The following TNFSF4 variants were observed in gnomAD, a reference collection of about 807,000 sequenced individuals.
The protein encoded by TNFSF4 is tumor necrosis factor ligand superfamily member 4.
Under a neutral mutation model 7.3 loss-of-function variants are expected in TNFSF4, and 4 were observed. The observed-to-expected ratio is 0.55, with a 90% CI of 0.27 to 1.25. The LOEUF is 1.25. Ranked by LOEUF, TNFSF4 falls within the 50% of genes most tolerant of loss-of-function variation. TNFSF4 has a pLI of 0.12. For missense variants in TNFSF4, 181 were observed against 208.8 expected (o/e 0.87, Z 0.82); for synonymous variants, 76 against 83.7 (o/e 0.91, Z 0.50).
the TNFSF4 span, among the ~76,000 whole-genome samples, chr1:173,377,311 G>A: frequency 3.9e-5 from 6 of 152,128 alleles, no homozygotes; most frequent in African/African-American, 9.7e-5. Context: ...GGACTAGCAT[G>A]GCCACTGGAC....
chr1:173,276,287 T>C, the TNFSF4 span, among the ~76,000 whole-genome samples: 1 of 152,104 alleles, frequency 6.6e-6, no homozygotes, highest in Non-Finnish European at 1.5e-5. Context: ...GTGAGTGCAA[T>C]TTTTCATGAG....
the TNFSF4 span, among the ~76,000 whole-genome samples, chr1:173,300,204 T>C: frequency 8.1e-6 from 1 of 123,578 alleles, no homozygotes; most frequent in African/African-American, 2.9e-5. Context: ...TACATACATA[T>C]AAGATAAAAG....
chr1:173,198,854 A>G (rs1649823508), intron 1 of TNFSF4, among the ~76,000 whole-genome samples: 5 of 152,210 alleles, frequency 3.3e-5, no homozygotes, highest in Admixed American at 2.0e-4. Context: ...CTCTGATACA[A>G]ACTGAGACTG....
chr1:173,228,969 G>A, the TNFSF4 span, among the ~76,000 whole-genome samples: 1 of 152,246 alleles, frequency 6.6e-6, no homozygotes, highest in African/African-American at 2.4e-5. Context: ...GTACCTGAAA[G>A]TGACGGGGAG....
chr1:173,221,627 G>A, the TNFSF4 span, among the ~76,000 whole-genome samples: 2 of 152,190 alleles, frequency 1.3e-5, no homozygotes, highest in Non-Finnish European at 2.9e-5. Flanking sequence ...AGACCAAAGA[G>A]GAGCAGATAG....
At chr1:173,349,292 T>C in the TNFSF4 span, among the ~76,000 whole-genome samples, 3 of 152,116 alleles carry the variant, frequency 2.0e-5, no homozygotes, top group African/African-American at 7.2e-5. Context: ...CCTCCCAAAG[T>C]GCTGGGATTA....
chr1:173,250,872 C>T, the TNFSF4 span, among the ~76,000 whole-genome samples: 12 of 152,118 alleles, frequency 7.9e-5, no homozygotes, highest in African/African-American at 2.9e-4. Context: ...GACTAAACTC[C>T]TTAGGAATCT....
chr1:173,195,318 A>G (rs10912560), intron 1 of TNFSF4, among the ~76,000 whole-genome samples: 48,655 of 152,078 alleles, frequency 0.32, 9,175 homozygotes, highest in African/African-American at 0.52. Context: ...TCCTCAACCA[A>G]TGTTGCAGGG....
At chr1:173,237,861 C>A in the TNFSF4 span, among the ~76,000 whole-genome samples, 2 of 152,110 alleles carry the variant, frequency 1.3e-5, no homozygotes, top group African/African-American at 4.8e-5. Context: ...CAATGCTATT[C>A]CTATCAAACT....
intron 2 of TNFSF4, among the ~76,000 whole-genome samples, chr1:173,187,359 C>T (rs1232149158): frequency 1.3e-5 from 2 of 152,182 alleles, no homozygotes; most frequent in African/African-American, 2.4e-5. Context: ...GTGCCCCATG[C>T]CTTAGCCCTG....
chr1:173,384,282 T>C, the TNFSF4 span, among the ~76,000 whole-genome samples: 1 of 152,268 alleles, frequency 6.6e-6, no homozygotes, highest in Admixed American at 6.5e-5. Flanking sequence ...TATTAGTGGA[T>C]GATAAGTACT....
the TNFSF4 span, among the ~76,000 whole-genome samples, chr1:173,373,365 GT>G: frequency 6.6e-6 from 1 of 152,200 alleles, no homozygotes; most frequent in African/African-American, 2.4e-5. Flanking sequence ...AGGACCCTTG[GT>G]ATGGAACAAC....
intron 1 of TNFSF4, among the ~76,000 whole-genome samples, chr1:173,194,918 C>A (rs1281249300): frequency 6.9e-6 from 1 of 145,830 alleles, no homozygotes; most frequent in Admixed American, 6.8e-5. Flanking sequence ...ATAAATAAAA[C>A]CTTATTGAGT....
the TNFSF4 span, among the ~76,000 whole-genome samples, chr1:173,249,439 A>T: frequency 6.6e-6 from 1 of 152,342 alleles, no homozygotes; most frequent in Non-Finnish European, 1.5e-5. Context: ...TATCATAGCA[A>T]GGGAAAGCTA....
At chr1:173,234,215 C>A in the TNFSF4 span, among the ~76,000 whole-genome samples, 2 of 152,178 alleles carry the variant, frequency 1.3e-5, no homozygotes, top group African/African-American at 2.4e-5. Flanking sequence ...CATCACTGGC[C>A]ATCAGAGAAG....
the TNFSF4 span, among the ~76,000 whole-genome samples, chr1:173,412,670 C>T: frequency 1.3e-5 from 2 of 152,168 alleles, no homozygotes; most frequent in Non-Finnish European, 2.9e-5. Flanking sequence ...CCAAAGATTA[C>T]ATATTATTCC....
At chr1:173,315,273 A>G in the TNFSF4 span, among the ~76,000 whole-genome samples, 1 of 152,122 alleles carries the variant, frequency 6.6e-6, no homozygotes, top group Middle Eastern at 3.2e-3. Context: ...ATGGATGGTA[A>G]GAGGATTTTA....
chr1:173,403,042 G>T, the TNFSF4 span, among the ~76,000 whole-genome samples: 3 of 152,032 alleles, frequency 2.0e-5, no homozygotes, highest in East Asian at 1.9e-4. Flanking sequence ...TGTAGAGATG[G>T]TATCTCCCTA....
the TNFSF4 span, among the ~76,000 whole-genome samples, chr1:173,395,075 A>ATAGATAGATAGCTAGC: frequency 6.7e-6 from 1 of 150,230 alleles, no homozygotes; most frequent in Admixed American, 6.7e-5. Flanking sequence ...AGATAGATAG[A>ATAGATAGATAGCTAGC]TAGCTATAAA....
Sources: gnomAD v4.1 joint callset for allele counts (sites outside exome capture counted in the v4.1 genomes callset) on GRCh38, gnomAD v4.1.1 for gene constraint, MANE v1.5 for transcripts, NCBI Gene and HGNC (gene_info 2026-07-23, HGNC 2026-07-21) for gene names.